The following ASXL3 variants were observed in gnomAD, a reference collection of about 807,000 sequenced individuals.
The protein encoded by ASXL3 is putative Polycomb group protein ASXL3.
ASXL3 carries 34 observed loss-of-function variants against 170.6 expected under a neutral mutation model. The ratio of observed to expected loss-of-function variants is 0.20; its 90% CI spans 0.15 to 0.27. The LOEUF (loss-of-function observed/expected upper bound fraction) is 0.27, where lower values mean the gene tolerates loss of function less well. Ranked by LOEUF, ASXL3 falls within the 10% of genes least tolerant of loss-of-function variation. The pLI, the probability that ASXL3 is intolerant of heterozygous loss-of-function variation, is 1.00. For synonymous variants in ASXL3, 1,002 were observed against 989.1 expected (o/e 1.01, Z -0.24); for missense variants, 2,592 against 2,695.3 (o/e 0.96, Z 0.85).
rs948903243 is a variant in ASXL3, at chr18:33,665,757, GT to G, written c.477+4030del. 1.0e-4 allele frequency among the ~76,000 whole-genome samples: 15 copies of G among 149,326 alleles called. 1 individual carries two copies. In the South Asian group the frequency reaches 1.5e-3, roughly 15 times the overall value. ...TGAAAAATCAAATGTTTATTTAAAG[GT>G]TTTTTTTTTCTCTTTTTGGAAGAAA... is the stretch of plus-strand genomic sequence containing the variant. On this transcript the variant is annotated intron_variant, in intron 5 of 11. Coordinates refer to ENST00000269197, the MANE Select transcript of ASXL3 (RefSeq NM_030632.3).
rs2067877934 is a variant in ASXL3, at chr18:33,751,039, A to T, written c.*4444A>T. 6.6e-6 allele frequency: 1 copy of T among 152,184 alleles called. No individual in the cohort carries two copies. The highest frequency in any genetic ancestry group is 6.5e-5 in the Admixed American group (1 of 15,276). The allele number at this position is 152,184 out of a possible 1,614,324, so 9.4% of individuals were successfully genotyped here. A position where few individuals can be genotyped will look rare whatever the true frequency, so the allele number is the denominator to read the frequency against. On this transcript the variant is annotated 3_prime_UTR_variant, in exon 12 of 12. Transcript: ENST00000269197. ...TTTATTTCTTTTCTACAAAGAAAAC[A>T]AGTGTTGCCTACAAAAGTGACTGCT...
intron 4 of ASXL3, among the ~76,000 whole-genome samples, chr18:33,658,106 A>G (rs1172427067): frequency 1.3e-5 from 2 of 152,262 alleles, no homozygotes; most frequent in African/African-American, 4.8e-5. Flanking sequence ...TATTTATTGG[A>G]TAAAACATCT....
At chr18:33,646,044 A>C (rs1321791828) in intron 3 of ASXL3, among the ~76,000 whole-genome samples, 2 of 148,212 alleles carry the variant, frequency 1.3e-5, no homozygotes, top group African/African-American at 4.9e-5. Flanking sequence ...AAATTTATCC[A>C]AAAAAAAAAT....
At chr18:33,674,657 G>A (rs1599478125) in intron 7 of ASXL3, among the ~76,000 whole-genome samples, 1 of 150,028 alleles carries the variant, frequency 6.7e-6, no homozygotes, top group East Asian at 2.0e-4. Context: ...TCGCTCTGTC[G>A]CTCCAGACTG....
intron 8 of ASXL3, among the ~76,000 whole-genome samples, chr18:33,729,818 GC>G (rs2067413606): frequency 6.6e-6 from 1 of 152,008 alleles, no homozygotes; most frequent in African/African-American, 2.4e-5. Flanking sequence ...AGGAGTTTGA[GC>G]CATTGGTTGT....
At chr18:33,654,861 TG>T (rs764729156) in intron 4 of ASXL3, among the ~76,000 whole-genome samples, 29 of 152,074 alleles carry the variant, frequency 1.9e-4, no homozygotes, top group Non-Finnish European at 1.5e-4. Flanking sequence ...TATTTATTTT[TG>T]GTTTGAGTTT....
At chr18:33,661,405 A>T (rs2066171697) in intron 4 of ASXL3, among the ~76,000 whole-genome samples, 1 of 152,154 alleles carries the variant, frequency 6.6e-6, no homozygotes, top group South Asian at 2.1e-4. Flanking sequence ...GGGTTAGGAC[A>T]GGAAAGCTTA....
intron 7 of ASXL3, 95 bp downstream of exon 7, chr18:33,671,961 A>G: frequency 7.9e-7 from 1 of 1,263,172 alleles, no homozygotes; most frequent in Non-Finnish European, 1.1e-6. Flanking sequence ...TTTAATGATT[A>G]AACAAGGAAA....
At chr18:33,593,572 G>T (rs988732231) in intron 1 of ASXL3, among the ~76,000 whole-genome samples, 1 of 152,118 alleles carries the variant, frequency 6.6e-6, no homozygotes. Context: ...TTGACCACAT[G>T]CATCTTAAAC....
intron 4 of ASXL3, among the ~76,000 whole-genome samples, chr18:33,653,004 T>C (rs940011941): frequency 3.9e-5 from 6 of 152,076 alleles, no homozygotes; most frequent in African/African-American, 7.2e-5. Flanking sequence ...GAGGCAATTT[T>C]ATACAAGGCT....
chr18:33,616,313 C>T (rs1181784441), intron 2 of ASXL3, among the ~76,000 whole-genome samples: 1 of 151,924 alleles, frequency 6.6e-6, no homozygotes. Context: ...ATTTGTGGTT[C>T]ATTGTGAAAT....
chr18:33,637,877 C>T (rs1228692897), intron 2 of ASXL3, among the ~76,000 whole-genome samples: 1 of 152,164 alleles, frequency 6.6e-6, no homozygotes, highest in Non-Finnish European at 1.5e-5. Context: ...GGCTGCCTTT[C>T]TGCTGAGTCC....
At chr18:33,621,715 C>T (rs1053360751) in intron 2 of ASXL3, among the ~76,000 whole-genome samples, 2 of 152,100 alleles carry the variant, frequency 1.3e-5, no homozygotes, top group Middle Eastern at 3.4e-3. Context: ...ATGACGACCT[C>T]GCAGAGAGAA....
Position 33,593,524 on chromosome 18 carries a change from C to T in ASXL3, c.55-14070C>T, listed in dbSNP as rs574210393. Among the ~76,000 whole-genome samples, 13 of 152,196 alleles carry T rather than the reference C, an allele frequency of 8.5e-5. 1 individual carries two copies. Among genetic ancestry groups the T allele is most frequent in the Middle Eastern group, 3.4e-3 (1 of 294 alleles). ...AGGGGGAAAAATGAAGAAAACTGGT[C>T]TTGAAAGCCCGCAGACTTTCATACC... On this transcript the variant is annotated intron_variant, in intron 1 of 11. Coordinates refer to ENST00000269197, the MANE Select transcript of ASXL3 (RefSeq NM_030632.3).
intron 2 of ASXL3, among the ~76,000 whole-genome samples, chr18:33,615,326 G>T (rs1368464857): frequency 4.6e-5 from 7 of 152,080 alleles, no homozygotes; most frequent in African/African-American, 1.4e-4. Context: ...TTCTTCTGCG[G>T]CTTCCTTACC....
chr18:33,685,999 C>G (rs987112368), intron 8 of ASXL3, among the ~76,000 whole-genome samples: 3 of 152,186 alleles, frequency 2.0e-5, no homozygotes, highest in Non-Finnish European at 2.9e-5. Context: ...TCAATAAATA[C>G]TTTTGTAATG....
chr18:33,706,418 A>ATAGTAT (rs1177118387), intron 8 of ASXL3, among the ~76,000 whole-genome samples: 2 of 151,800 alleles, frequency 1.3e-5, no homozygotes, highest in Non-Finnish European at 3.0e-5. Context: ...GCTTTTCAAG[A>ATAGTAT]TAGTATTAAA....
chr18:33,675,321 C>T (rs1303426371), intron 7 of ASXL3, among the ~76,000 whole-genome samples: 1 of 152,174 alleles, frequency 6.6e-6, no homozygotes, highest in East Asian at 1.9e-4. Context: ...TATCCTTTAG[C>T]CAGCCAGATA....
intron 8 of ASXL3, among the ~76,000 whole-genome samples, chr18:33,698,842 A>C (rs752439618): frequency 7.2e-5 from 11 of 152,136 alleles, no homozygotes; most frequent in Non-Finnish European, 1.5e-4. Flanking sequence ...AATATGTGTT[A>C]AGTAGTTACT....
Sources: allele counts gnomAD v4.1 joint callset (sites outside exome capture counted in the v4.1 genomes callset), GRCh38; gene constraint gnomAD v4.1.1; transcripts MANE v1.5; gene names NCBI Gene and HGNC (gene_info 2026-07-23, HGNC 2026-07-21).